ZNF221: variants seen among roughly 807,000 people sequenced by gnomAD.
ZNF221 encodes the protein zinc finger protein 221.
ZNF221 carries 10 observed loss-of-function variants against 12.6 expected under a neutral mutation model. The observed-to-expected ratio is 0.79, with a 90% CI of 0.49 to 1.34. The LOEUF (loss-of-function observed/expected upper bound fraction) is 1.34, where lower values mean the gene tolerates loss of function less well. Ranked by LOEUF, ZNF221 falls within the 40% of genes most tolerant of loss-of-function variation. ZNF221 has a pLI of 0.00. For synonymous variants in ZNF221, 232 were observed against 244.0 expected, an observed-to-expected ratio of 0.95 and a Z score of 0.46; for missense variants, 661 against 721.4, an observed-to-expected ratio of 0.92 and a Z score of 0.96.
At chr19:43,956,448 G>A (rs1192987776) in intron 1 of ZNF221, among the ~76,000 whole-genome samples, 1 of 151,960 alleles carries the variant, frequency 6.6e-6, no homozygotes, top group Non-Finnish European at 1.5e-5. Flanking sequence ...ACATTTTTAT[G>A]TTCTAGTCCC....
In ZNF221 at chr19:43,966,272, G is replaced by A. The variant is rs746568984; in HGVS notation, c.770G>A (p.Gly257Glu). ...ACTGGAGAGAAACCATTCAAATGTGGGCAATGTGGGAAAGGCTTCCATAGT... is the reference window on the plus strand; with the variant it reads ...ACTGGAGAGAAACCATTCAAATGTGAGCAATGTGGGAAAGGCTTCCATAGT... ...VHTGEKPFKCGQCGKGFHSRS... is the reference protein window; with the variant it reads ...VHTGEKPFKCEQCGKGFHSRS... The change falls in exon 5 of 5, where the codon GGG becomes GAG. Residue 257 changes from glycine to glutamate, a missense_variant. Gly to Glu is a moderately conservative substitution (Grantham distance 98). Coordinates refer to ENST00000587682, the MANE Select transcript of ZNF221 (RefSeq NM_001297588.2). The A allele has an allele frequency of 2.1e-5, 34 of 1,613,966 alleles. No individual in the cohort carries two copies. Among genetic ancestry groups the A allele is most frequent in the Non-Finnish European group, 2.9e-5 (34 of 1,179,914 alleles).
Position 43,967,070 on chromosome 19 carries a change from C to G in ZNF221, c.1568C>G (p.Ser523Cys). The G allele has an allele frequency of 6.3e-7, 1 of 1,597,164 alleles. No homozygotes were observed. The highest frequency in any genetic ancestry group is 1.1e-5 in the South Asian group (1 of 89,428). Residue 523 changes from serine to cysteine, a missense_variant, in exon 5 of 5, where the codon TCC (serine) becomes TGC (cysteine). Transcript: ENST00000587682. ...TTTACTCAGAGTTCACAACTTCATT[C>G]CCATCAGACATGCCATACTGGAGAA... Reference protein sequence around the residue: ...KRFTQSSQLHSHQTCHTGEKL... With the variant: ...KRFTQSSQLHCHQTCHTGEKL...
At position 43,951,296 on chromosome 19, in the gene ZNF221, GT is replaced by G. The variant is rs1171288667; in HGVS notation, c.-105del. 1 of 152,284 alleles carries G rather than the reference GT, an allele frequency of 6.6e-6. No homozygotes were observed. The highest frequency in any genetic ancestry group is 2.4e-5 in the African/African-American group (1 of 41,448). 9.4% of individuals were successfully genotyped at this position (152,284 alleles called of 1,614,324 possible). ...CCTTTATTCTGTGATATTTTGAGCT[GT>G]TCTGCGTCTCGCAGGCCCTTCTGAA... On this transcript the variant is annotated 5_prime_UTR_variant, in exon 1 of 5. Coordinates refer to ENST00000587682, the MANE Select transcript of ZNF221 (RefSeq NM_001297588.2).
chr19:43,965,183 G>C, intron 3 of ZNF221, 50 bp from the exon 4 acceptor site: 1 of 1,593,946 alleles, frequency 6.3e-7, no homozygotes, highest in South Asian at 1.1e-5. Flanking sequence ...ATTTTCCCTA[G>C]ATATTACCTA....
chr19:43,965,660 C>G (rs531889182), intron 4 of ZNF221, 144 bp from the exon 5 acceptor site: 243 of 741,988 alleles, frequency 3.3e-4, no homozygotes, highest in Non-Finnish European at 4.7e-4. Context: ...CTCTTGAAAA[C>G]CAAAGACCAT....
downstream of ZNF221, among the ~76,000 whole-genome samples, chr19:43,970,187 C>T (rs915220017): frequency 1.2e-5 from 1 of 82,548 alleles, no homozygotes; most frequent in Non-Finnish European, 2.6e-5. Flanking sequence ...TGCTAACAGT[C>T]AGTGGCTTGA....
chr19:43,968,890 T>C (rs1289973969), downstream of ZNF221, among the ~76,000 whole-genome samples: 3 of 152,132 alleles, frequency 2.0e-5, no homozygotes, highest in Non-Finnish European at 2.9e-5. Flanking sequence ...GAGATCTCCT[T>C]GTGAGCCCAT....
In ZNF221 at chr19:43,966,589, G is replaced by T. The variant is rs758923986; in HGVS notation, c.1087G>T (p.Glu363Ter). The change falls in exon 5 of 5, where the codon GAG (glutamate) becomes TAG (stop). Residue 363 changes from glutamate (E) to a stop codon, truncating the protein, a stop_gained. Transcript: ENST00000587682. LOFTEE classifies it low-confidence loss of function (END_TRUNC). ...TAGTCATTCCATGGTCCACATAGAA[G>T]AGAAGCCATACAAATGTGAGCAATG... is the stretch of plus-strand genomic sequence containing the variant. ...LNSHSMVHIE[E>*]KPYKCEQCGK... 1.2e-6 allele frequency: 2 copies of T among 1,614,164 alleles called. No homozygotes were observed. The highest frequency in any genetic ancestry group is 1.1e-5 in the South Asian group (1 of 91,090).
chr19:43,980,114 C>T, the ZNF221 span, among the ~76,000 whole-genome samples: 1 of 152,198 alleles, frequency 6.6e-6, no homozygotes, highest in Non-Finnish European at 1.5e-5. Flanking sequence ...GAGGACAAGG[C>T]ATCAAATTCC....
chr19:43,958,808 T>C (rs1198496083), intron 1 of ZNF221, among the ~76,000 whole-genome samples: 3 of 152,244 alleles, frequency 2.0e-5, no homozygotes, highest in Non-Finnish European at 4.4e-5. Flanking sequence ...ATTAGAGATG[T>C]AATAGTCAAA....
intron 1 of ZNF221, among the ~76,000 whole-genome samples, chr19:43,958,194 G>A (rs1184065228): frequency 2.0e-5 from 3 of 152,140 alleles, no homozygotes; most frequent in Non-Finnish European, 2.9e-5. Flanking sequence ...CATAACTGAG[G>A]TCCAACTCCA....
At chr19:43,962,213 G>A (rs189368447) in intron 1 of ZNF221, among the ~76,000 whole-genome samples, 16 of 152,116 alleles carry the variant, frequency 1.1e-4, no homozygotes, top group South Asian at 2.1e-4. Flanking sequence ...CATTTCAGTC[G>A]TACGATTTAA....
At position 43,967,270 on chromosome 19, in the gene ZNF221, T is replaced by C. The variant is rs1407610478; in HGVS notation, c.1768T>C (p.Leu590=). Residue 590 remains leucine (L), a synonymous_variant, in exon 5 of 5, where the codon TTG becomes CTG. Transcript: ENST00000587682. ...HQRLHSGEKP[L]KSGVWEEIYS... is the part of the protein sequence containing the mutation. ...GAGACTCCACAGTGGAGAAAAGCCATTGAAATCTGGAGTGTGGGAAGAGAT... is the reference window on the plus strand; with the variant it reads ...GAGACTCCACAGTGGAGAAAAGCCACTGAAATCTGGAGTGTGGGAAGAGAT... 1 of 1,614,006 alleles carries C rather than the reference T, an allele frequency of 6.2e-7. No individual in the cohort carries two copies. The highest frequency in any genetic ancestry group is 8.5e-7 in the Non-Finnish European group (1 of 1,180,032).
At chr19:43,952,206 A>G (rs543749558) in intron 1 of ZNF221, among the ~76,000 whole-genome samples, 2 of 152,190 alleles carry the variant, frequency 1.3e-5, no homozygotes, top group East Asian at 3.9e-4. Flanking sequence ...AAGGAGGGGT[A>G]TCTCCAATTT....
the ZNF221 span, among the ~76,000 whole-genome samples, chr19:43,975,739 T>A: frequency 6.6e-6 from 1 of 151,906 alleles, no homozygotes. Context: ...AAAGGAGAAA[T>A]CTTGCAAGAA....
chr19:43,979,168 G>A, the ZNF221 span, among the ~76,000 whole-genome samples: 2 of 151,900 alleles, frequency 1.3e-5, no homozygotes, highest in Admixed American at 6.6e-5. Context: ...GGTAACAATT[G>A]TATAGAATTT....
intron 2 of ZNF221, among the ~76,000 whole-genome samples, chr19:43,964,112 A>AT (rs1974896175): frequency 6.6e-6 from 1 of 152,254 alleles, no homozygotes; most frequent in African/African-American, 2.4e-5. Flanking sequence ...AAAAGAGATC[A>AT]TTTTTGCCCT....
the ZNF221 span, among the ~76,000 whole-genome samples, chr19:43,976,249 T>C: frequency 1.1e-3 from 172 of 151,850 alleles, no homozygotes; most frequent in African/African-American, 4.0e-3. Context: ...AAAATTTTTC[T>C]GGTAAAGGCC....
At chr19:43,970,296 C>A (rs1232454572), downstream of ZNF221, among the ~76,000 whole-genome samples, 1 of 152,122 alleles carries the variant, frequency 6.6e-6, no homozygotes, top group African/African-American at 2.4e-5. Flanking sequence ...GGTAGGTAAG[C>A]CCACAGATAT....
Sources: gnomAD v4.1 joint callset for allele counts (sites outside exome capture counted in the v4.1 genomes callset) on GRCh38, gnomAD v4.1.1 for gene constraint, MANE v1.5 for transcripts, NCBI Gene and HGNC (gene_info 2026-07-23, HGNC 2026-07-21) for gene names.